TBC1D1: variants seen among roughly 807,000 people sequenced by gnomAD.
TBC1D1 encodes the protein TBC1 (tre-2/USP6, BUB2, cdc16) domain family, member 1.
A neutral mutation model predicts 125.6 loss-of-function variants in TBC1D1; 89 were observed. The observed-to-expected ratio is 0.71, with a 90% CI of 0.60 to 0.85. The LOEUF (loss-of-function observed/expected upper bound fraction) is 0.85. TBC1D1 is among the 40% of genes least tolerant of loss of function. The probability of loss-of-function intolerance (pLI) is 0.00; values close to 1 mark genes in which losing one functional copy is unlikely to be tolerated. For missense variants in TBC1D1, 1,377 were observed against 1,469.2 expected, an observed-to-expected ratio of 0.94 and a Z score of 1.03; for synonymous variants, 565 against 564.1, an observed-to-expected ratio of 1.00 and a Z score of -0.02.
At chr4:38,023,105 G>C (rs550705184) in intron 6 of TBC1D1, among the ~76,000 whole-genome samples, 33 of 152,044 alleles carry the variant, frequency 2.2e-4, no homozygotes, top group African/African-American at 8.0e-4. Flanking sequence ...AAATTAGCTG[G>C]GTGTGGTGGT....
intron 6 of TBC1D1, among the ~76,000 whole-genome samples, chr4:38,022,646 A>G (rs1744281617): frequency 6.6e-6 from 1 of 152,206 alleles, no homozygotes; most frequent in South Asian, 2.1e-4. Context: ...CTCTTGAACA[A>G]GAGTGGGGAG....
At chr4:37,944,763 C>T (rs187307742) in intron 2 of TBC1D1, among the ~76,000 whole-genome samples, 2 of 152,190 alleles carry the variant, frequency 1.3e-5, no homozygotes, top group Non-Finnish European at 2.9e-5. Flanking sequence ...AAAGGGAATT[C>T]CCTGATCCCT....
chr4:37,968,847 G>T (rs529354547), intron 2 of TBC1D1, among the ~76,000 whole-genome samples: 1 of 152,316 alleles, frequency 6.6e-6, no homozygotes, highest in South Asian at 2.1e-4. Context: ...GAGTGAGCAG[G>T]ACCCAAGCCT....
chr4:38,019,921 G>T (rs1212276713), intron 4 of TBC1D1, among the ~76,000 whole-genome samples: 1 of 152,138 alleles, frequency 6.6e-6, no homozygotes, highest in Non-Finnish European at 1.5e-5. Context: ...ACCTTTGGGT[G>T]TGTATGTGCT....
At chr4:37,897,037 T>G (rs891655407) in intron 1 of TBC1D1, among the ~76,000 whole-genome samples, 1 of 152,158 alleles carries the variant, frequency 6.6e-6, no homozygotes. Flanking sequence ...ACAAGAACGT[T>G]ACTAGAAGCT....
intron 2 of TBC1D1, among the ~76,000 whole-genome samples, chr4:37,983,124 T>C (rs1202480978): frequency 6.1e-5 from 7 of 114,488 alleles, no homozygotes; most frequent in Admixed American, 2.5e-4. Context: ...CCAAACTCTT[T>C]TTTTTTTTTT....
intron 2 of TBC1D1, among the ~76,000 whole-genome samples, chr4:38,001,234 A>AGAAG (rs1192032820): frequency 6.6e-6 from 1 of 151,674 alleles, no homozygotes; most frequent in Non-Finnish European, 1.5e-5. Context: ...AAAGAAAGAA[A>AGAAG]GAAAGAAAGA....
rs917190297 is a variant in TBC1D1, at chr4:38,137,573, C to T, written c.*238C>T. ...CTTCTCCAGTCCTGATTACTGTACACAGTAGCTTTAGATGGCGTGGACGTG... is the reference window on the plus strand; with the variant it reads ...CTTCTCCAGTCCTGATTACTGTACATAGTAGCTTTAGATGGCGTGGACGTG... On this transcript the variant is annotated 3_prime_UTR_variant, in exon 20 of 20. Transcript: ENST00000261439. 2 of 444,328 alleles carry T rather than the reference C, an allele frequency of 4.5e-6. No homozygotes were observed. The highest frequency in any genetic ancestry group is 4.0e-5 in the African/African-American group (2 of 50,010). The allele number at this position is 444,328 out of a possible 1,614,324, so 27.5% of individuals were successfully genotyped here. A position where few individuals can be genotyped will look rare whatever the true frequency, so the allele number is the denominator to read the frequency against.
At chr4:38,100,889 C>T (rs891675452) in intron 14 of TBC1D1, among the ~76,000 whole-genome samples, 2 of 152,110 alleles carry the variant, frequency 1.3e-5, no homozygotes, top group African/African-American at 4.8e-5. Context: ...TATTTTTTCT[C>T]TAGTCCCCAT....
chr4:38,014,116 C>G lies in TBC1D1; in HGVS notation c.418-393C>G, dbSNP rs1461886718. ...GTTGGAGACAGACTTCTCTGGGAGGCGACAGCTTCTCCAGAGGAGGCCTTT... is the reference window on the plus strand; with the variant it reads ...GTTGGAGACAGACTTCTCTGGGAGGGGACAGCTTCTCCAGAGGAGGCCTTT... On this transcript the variant is annotated intron_variant, in intron 2 of 19. Coordinates refer to ENST00000261439, the MANE Select transcript of TBC1D1 (RefSeq NM_015173.4). The surrounding 1 kb of genome is among the most constrained non-coding windows in gnomAD (Gnocchi z 5.1). 6.6e-6 allele frequency among the ~76,000 whole-genome samples: 1 copy of G among 152,140 alleles called. No homozygotes were observed. Among genetic ancestry groups the G allele is most frequent in the African/African-American group, 2.4e-5 (1 of 41,424 alleles).
chr4:38,044,901 A>G (rs944700779), intron 9 of TBC1D1, among the ~76,000 whole-genome samples: 5 of 152,204 alleles, frequency 3.3e-5, no homozygotes, highest in Non-Finnish European at 7.3e-5. Context: ...AACTATGCCC[A>G]TGGGCCAAAT....
At chr4:38,121,472 A>G (rs1045389387) in intron 17 of TBC1D1, among the ~76,000 whole-genome samples, 1 of 152,190 alleles carries the variant, frequency 6.6e-6, no homozygotes, top group Non-Finnish European at 1.5e-5. Flanking sequence ...TAAGATTCCT[A>G]TTTCCTGCCG....
intron 7 of TBC1D1, among the ~76,000 whole-genome samples, chr4:38,029,606 A>T (rs1285084421): frequency 1.3e-5 from 2 of 152,066 alleles, no homozygotes; most frequent in Non-Finnish European, 2.9e-5. Flanking sequence ...TGACCTTGTG[A>T]TTTGCCTGCT....
At position 37,972,481 on chromosome 4, in the gene TBC1D1, C is replaced by CAA. The variant is rs74577993; in HGVS notation, c.418-42010_418-42009dup. On this transcript the variant is annotated intron_variant, in intron 2 of 19. Transcript: ENST00000261439. ...GGGCAACAAAAGGGAAACGCCGTTT[C>CAA]AAAAAAAAAAAAAAAAAAAGATTAC... 3.3e-3 allele frequency among the ~76,000 whole-genome samples: 321 copies of CAA among 97,838 alleles called. 2 individuals carry two copies. Among genetic ancestry groups the CAA allele is most frequent in the Middle Eastern group, 5.7e-3 (1 of 176 alleles). 64.2% of individuals were successfully genotyped at this position (97,838 alleles called of 152,430 possible).
chr4:38,009,321 T>G (rs1322621732), intron 2 of TBC1D1, among the ~76,000 whole-genome samples: 1 of 152,208 alleles, frequency 6.6e-6, no homozygotes, highest in Admixed American at 6.5e-5. Flanking sequence ...ATTTTTGAAG[T>G]CTTAGAATGT....
At chr4:37,924,207 C>T (rs1441567367) in intron 2 of TBC1D1, among the ~76,000 whole-genome samples, 1 of 152,156 alleles carries the variant, frequency 6.6e-6, no homozygotes, top group Non-Finnish European at 1.5e-5. Context: ...CCACCCCTGC[C>T]ATGCTCCCTC....
At chr4:38,079,100 C>G (rs1384074384) in intron 12 of TBC1D1, among the ~76,000 whole-genome samples, 5 of 141,692 alleles carry the variant, frequency 3.5e-5, no homozygotes, top group Admixed American at 3.5e-4. Context: ...AGGGGAGGCT[C>G]CCACGGTGGA....
In TBC1D1 at chr4:38,027,785, T is replaced by C; in HGVS notation, c.1211-3T>C. The C allele has an allele frequency of 1.2e-6, 2 of 1,606,844 alleles. No individual in the cohort carries two copies. The highest frequency in any genetic ancestry group is 1.7e-6 in the Non-Finnish European group (2 of 1,176,442). On this transcript the variant is annotated splice_region_variant and splice_polypyrimidine_tract_variant and intron_variant, in intron 6 of 19. Coordinates refer to ENST00000261439, the MANE Select transcript of TBC1D1 (RefSeq NM_015173.4). Reference sequence around the variant, plus strand: ...TTCATGCCTCTCTTTTTTCTCTTAATAGGAATGAATTCTTCCAAAACAAAA... The same window carrying C: ...TTCATGCCTCTCTTTTTTCTCTTAACAGGAATGAATTCTTCCAAAACAAAA...
At chr4:37,947,383 C>T (rs1726923925) in intron 2 of TBC1D1, among the ~76,000 whole-genome samples, 1 of 152,170 alleles carries the variant, frequency 6.6e-6, no homozygotes, top group Non-Finnish European at 1.5e-5. Flanking sequence ...TCTCAAACTC[C>T]TGACCTCAAG....
Sources: allele counts gnomAD v4.1 joint callset (sites outside exome capture counted in the v4.1 genomes callset), GRCh38; gene constraint gnomAD v4.1.1; non-coding constraint Gnocchi (gnomAD v3.1); transcripts MANE v1.5; gene names NCBI Gene and HGNC (gene_info 2026-07-23, HGNC 2026-07-21).